Variants in NR2F1-AS1 observed in about 807,000 individuals in gnomAD.
NR2F1-AS1 encodes NR2F1 antisense RNA 1.
At chr5:93,582,952 G>GA (rs1203344432), upstream of NR2F1-AS1, among the ~76,000 whole-genome samples, 1 of 152,054 alleles carries the variant, frequency 6.6e-6, no homozygotes, top group African/African-American at 2.4e-5. Context: ...GCTAAGCGGG[G>GA]GGGGGAGAAA....
chr5:93,467,597 A>C (rs1373595614), intron 4 of NR2F1-AS1, among the ~76,000 whole-genome samples: 1 of 152,182 alleles, frequency 6.6e-6, no homozygotes, highest in Non-Finnish European at 1.5e-5. Flanking sequence ...CCTCATCTCA[A>C]ATAACTATTC....
At chr5:93,432,777 G>A (rs1405297338) in intron 4 of NR2F1-AS1, among the ~76,000 whole-genome samples, 3 of 151,898 alleles carry the variant, frequency 2.0e-5, no homozygotes, top group Non-Finnish European at 2.9e-5. Context: ...TCCTTAATTC[G>A]GTACTACCTG....
At chr5:93,563,871 G>T (rs1752551032) in intron 1 of NR2F1-AS1, among the ~76,000 whole-genome samples, 1 of 151,974 alleles carries the variant, frequency 6.6e-6, no homozygotes, top group Non-Finnish European at 1.5e-5. Context: ...GGGAAGCTGA[G>T]GTGGGCGGAT....
chr5:93,417,825 TG>T (rs1748999753), intron 4 of NR2F1-AS1, among the ~76,000 whole-genome samples: 1 of 152,228 alleles, frequency 6.6e-6, no homozygotes, highest in African/African-American at 2.4e-5. Flanking sequence ...TCTGCAGCAC[TG>T]TTCTCACCAT....
At chr5:93,524,998 CAT>C (rs1048913555) in intron 4 of NR2F1-AS1, among the ~76,000 whole-genome samples, 6 of 152,146 alleles carry the variant, frequency 3.9e-5, no homozygotes, top group African/African-American at 1.4e-4. Flanking sequence ...ATCAAATTCA[CAT>C]ATAATAACAA....
At chr5:93,503,655 T>G (rs370356434) in intron 4 of NR2F1-AS1, among the ~76,000 whole-genome samples, 3 of 152,170 alleles carry the variant, frequency 2.0e-5, no homozygotes, top group East Asian at 3.9e-4. Context: ...ATTTTGTATA[T>G]GCCAGGCAGA....
chr5:93,445,860 G>A (rs1343889712), intron 4 of NR2F1-AS1, among the ~76,000 whole-genome samples: 1 of 152,194 alleles, frequency 6.6e-6, no homozygotes, highest in African/African-American at 2.4e-5. Flanking sequence ...CCATGATCAA[G>A]TGGGCTTCAT....
Position 93,522,614 on chromosome 5 carries a change from C to T in NR2F1-AS1, n.638+31147G>A, listed in dbSNP as rs185323941. Among the ~76,000 whole-genome samples, 114 of 152,280 alleles carry T rather than the reference C, an allele frequency of 7.5e-4. 1 individual carries two copies. The highest frequency in any genetic ancestry group is 1.2e-3 in the Non-Finnish European group (79 of 67,994). On this transcript the variant is annotated intron_variant and non_coding_transcript_variant, in intron 4 of 5. Transcript: ENST00000660523. Reference sequence around the variant, plus strand: ...CTCCCAGCAAGATCAACGCAGAAGGCGGGTGACTTCTGCATTTTCAACTGA... The same window carrying T: ...CTCCCAGCAAGATCAACGCAGAAGGTGGGTGACTTCTGCATTTTCAACTGA...
chr5:93,583,436 T>C (rs76981368), upstream of NR2F1-AS1: 3,049 of 152,018 alleles, frequency 0.02, 51 homozygotes, highest in South Asian at 0.059. Flanking sequence ...CTAGTTGTTT[T>C]CCCCTTCTTC....
At chr5:93,529,328 G>C (rs548257468) in intron 4 of NR2F1-AS1, among the ~76,000 whole-genome samples, 1 of 152,212 alleles carries the variant, frequency 6.6e-6, no homozygotes, top group South Asian at 2.1e-4. Context: ...ACTCATATAT[G>C]CCAGAAGACA....
At chr5:93,481,813 G>A (rs1020888238) in intron 4 of NR2F1-AS1, among the ~76,000 whole-genome samples, 2 of 151,734 alleles carry the variant, frequency 1.3e-5, no homozygotes, top group Non-Finnish European at 2.9e-5. Context: ...AAAAAAATAG[G>A]TTAAGAAAGA....
intron 4 of NR2F1-AS1, among the ~76,000 whole-genome samples, chr5:93,457,302 G>A (rs1201620081): frequency 6.6e-6 from 1 of 152,082 alleles, no homozygotes; most frequent in Admixed American, 6.6e-5. Flanking sequence ...TTGTGTCCCC[G>A]GGTACTTGAG....
intron 4 of NR2F1-AS1, among the ~76,000 whole-genome samples, chr5:93,459,822 C>A (rs1188383716): frequency 6.6e-6 from 1 of 151,954 alleles, no homozygotes; most frequent in East Asian, 1.9e-4. Context: ...GTGGAAAGGA[C>A]TCAGAACTAC....
intron 4 of NR2F1-AS1, among the ~76,000 whole-genome samples, chr5:93,433,250 G>A (rs1336997094): frequency 2.0e-5 from 3 of 152,096 alleles, no homozygotes; most frequent in Non-Finnish European, 4.4e-5. Context: ...TCGTTGTTGG[G>A]TTTTCTCCTT....
chr5:93,580,289 A>G (rs1752993367), intron 1 of NR2F1-AS1, among the ~76,000 whole-genome samples: 1 of 152,226 alleles, frequency 6.6e-6, no homozygotes, highest in Non-Finnish European at 1.5e-5. Flanking sequence ...CTACGGCGAG[A>G]CAGAGGCCGA....
chr5:93,439,548 C>A (rs1749513597), intron 4 of NR2F1-AS1, among the ~76,000 whole-genome samples: 1 of 152,240 alleles, frequency 6.6e-6, no homozygotes, highest in Admixed American at 6.5e-5. Flanking sequence ...CCCGCCTCGG[C>A]CTCCCAAAGT....
chr5:93,544,282 A>G (rs1752025074), intron 4 of NR2F1-AS1, among the ~76,000 whole-genome samples: 1 of 152,210 alleles, frequency 6.6e-6, no homozygotes, highest in Non-Finnish European at 1.5e-5. Flanking sequence ...AGCCAAGACA[A>G]AAAGGCAAAT....
chr5:93,567,482 G>A (rs960155467), intron 1 of NR2F1-AS1, among the ~76,000 whole-genome samples: 2 of 152,182 alleles, frequency 1.3e-5, no homozygotes, highest in South Asian at 4.1e-4. Context: ...AGAAGAAGCT[G>A]ATTTGTCTTA....
chr5:93,440,277 G>C (rs1749538949), intron 4 of NR2F1-AS1, among the ~76,000 whole-genome samples: 1 of 151,874 alleles, frequency 6.6e-6, no homozygotes, highest in Non-Finnish European at 1.5e-5. Context: ...TGGGCCATGG[G>C]GTGCCCAGAA....
Sources: gnomAD v4.1 joint callset for allele counts (sites outside exome capture counted in the v4.1 genomes callset) on GRCh38, gnomAD v4.1.1 for gene constraint, MANE v1.5 for transcripts, NCBI Gene and HGNC (gene_info 2026-07-23, HGNC 2026-07-21) for gene names.